The following TAFAZZIN variants were observed in gnomAD, a reference collection of about 807,000 sequenced individuals.
TAFAZZIN encodes tafazzin, phospholipid-lysophospholipid transacylase.
In TAFAZZIN, 6 loss-of-function variants were observed where a neutral mutation model predicts 27.3. The ratio of observed to expected loss-of-function variants is 0.22; its 90% CI spans 0.12 to 0.43. The LOEUF is 0.43. TAFAZZIN is among the 20% of genes least tolerant of loss of function. The probability of loss-of-function intolerance (pLI) is 1.00; values close to 1 mark genes in which losing one functional copy is unlikely to be tolerated. For synonymous variants in TAFAZZIN, 79 were observed against 96.2 expected (o/e 0.82, Z 1.04); for missense variants, 127 against 244.5 (o/e 0.52, Z 3.21).
chrX:154,411,647 G>C lies in TAFAZZIN; in HGVS notation c.-197G>C. On this transcript the variant is annotated 5_prime_UTR_variant, in exon 1 of 11. Coordinates refer to ENST00000601016, the MANE Select transcript of TAFAZZIN (RefSeq NM_000116.5). ...ACCCCGGCGACCGCTCCCCAGTGAC[G>C]AGAGAGCGGGGCCGGGCGCTGCTCC... 1 of 483,775 alleles carries C rather than the reference G, an allele frequency of 2.1e-6. No individual in the cohort carries two copies. The highest frequency in any genetic ancestry group is 3.7e-6 in the Non-Finnish European group (1 of 271,737). 39.9% of individuals were successfully genotyped at this position (483,775 alleles called of 1,213,427 possible). A position where few individuals can be genotyped will look rare whatever the true frequency, so the allele number is the denominator to read the frequency against.
rs1419599783 is a variant in TAFAZZIN, at chrX:154,419,303, A to T, written c.461-240A>T. 1.8e-5 allele frequency: 8 copies of T among 435,989 alleles called. No individual in the cohort carries two copies. In the African/African-American group the frequency reaches 2.0e-4, roughly 11 times the overall value. 35.9% of individuals were successfully genotyped at this position (435,989 alleles called of 1,213,427 possible). A position where few individuals can be genotyped will look rare whatever the true frequency, so the allele number is the denominator to read the frequency against. On this transcript the variant is annotated intron_variant, in intron 5 of 10. Transcript: ENST00000601016. Reference sequence around the variant, plus strand: ...AAGCCCCACAGCGTGCCCAAGTGCCATGCAGGCCCTGGAGACGGTCATTGG... The same window carrying T: ...AAGCCCCACAGCGTGCCCAAGTGCCTTGCAGGCCCTGGAGACGGTCATTGG...
intron 3 of TAFAZZIN, 25 bp downstream of exon 3, chrX:154,413,277 G>A: frequency 8.3e-7 from 1 of 1,209,948 alleles, no homozygotes. Flanking sequence ...GCCCCTCGAA[G>A]TGGGCCGGGC....
intron 7 of TAFAZZIN, 77 bp downstream of exon 7, chrX:154,419,823 C>T (rs901321983): frequency 1.4e-5 from 17 of 1,178,864 alleles, no homozygotes; most frequent in Non-Finnish European, 2.0e-5. Flanking sequence ...CTCCCGCCCC[C>T]TCGGGCTGGC....
At chrX:154,413,275 A>T (rs1557191627) in intron 3 of TAFAZZIN, 23 bp downstream of exon 3, 2 of 1,210,317 alleles carry the variant, frequency 1.7e-6, no homozygotes, top group South Asian at 3.5e-5. Context: ...GGGCCCCTCG[A>T]AGTGGGCCGG....
At chrX:154,420,590 C>T (rs1231060712) in intron 9 of TAFAZZIN, 68 bp from the exon 10 acceptor site, 16 of 1,146,528 alleles carry the variant, frequency 1.4e-5, no homozygotes, top group South Asian at 3.6e-5. Context: ...TTCTGGCTCC[C>T]GGGTTGCTTG....
intron 5 of TAFAZZIN, chrX:154,418,642 A>G (rs2068547143): frequency 8.9e-6 from 1 of 112,662 alleles, no homozygotes; most frequent in Non-Finnish European, 1.9e-5. Context: ...CCATGGTCTC[A>G]GGGTTATCTC....
At chrX:154,413,073 G>T (rs2068365594) in intron 2 of TAFAZZIN, 134 bp from the exon 3 acceptor site, 1 of 867,522 alleles carries the variant, frequency 1.2e-6, no homozygotes, top group Admixed American at 2.5e-5. Flanking sequence ...TCTGGCCTAA[G>T]GGTCTGAAAG....
Position 154,413,520 on chromosome X carries a change from T to C in TAFAZZIN, c.323T>C (p.Leu108Pro). ...AAADICFTKE[L>P]HSHFFSLGKC... ...GCAGACATCTGCTTCACCAAGGAGC[T>C]ACACTCCCACTTCTTCAGCTTGGGC... is the stretch of plus-strand genomic sequence containing the variant. The change falls in exon 4 of 11, where the codon CTA (leucine) becomes CCA (proline). Residue 108 changes from leucine (L) to proline (P), a missense_variant. Leu to Pro is a moderately conservative substitution (Grantham distance 98). Coordinates refer to ENST00000601016, the MANE Select transcript of TAFAZZIN (RefSeq NM_000116.5). 8.2e-7 allele frequency: 1 copy of C among 1,212,293 alleles called. No individual in the cohort carries two copies.
At chrX:154,415,782 G>C (rs983320056) in intron 5 of TAFAZZIN, among the ~76,000 whole-genome samples, 3 of 107,558 alleles carry the variant, frequency 2.8e-5, no homozygotes, top group African/African-American at 6.8e-5. Flanking sequence ...TCGGGAGGCT[G>C]GGGTGGGAGA....
chrX:154,420,312 C>T, intron 9 of TAFAZZIN, 48 bp downstream of exon 9: 3 of 1,188,143 alleles, frequency 2.5e-6, no homozygotes, highest in Non-Finnish European at 3.4e-6. Context: ...CTGCTGTCTG[C>T]TCCGTGTCTC....
chrX:154,413,395 G>A, intron 3 of TAFAZZIN, 87 bp from the exon 4 acceptor site: 4 of 1,209,237 alleles, frequency 3.3e-6, no homozygotes, highest in Non-Finnish European at 4.5e-6. Context: ...GCCCTCCCCT[G>A]TGCCTCCCTT....
At position 154,413,194 on chromosome X, in the gene TAFAZZIN, T is replaced by G; in HGVS notation, c.239-13T>G. 14 of 1,212,034 alleles carry G rather than the reference T, an allele frequency of 1.2e-5. No homozygotes were observed. Among genetic ancestry groups the G allele is most frequent in the Non-Finnish European group, 1.6e-5 (14 of 895,495 alleles). ...ATGGGAAGTTGGGGCATGAAGCCTTTCCTGTCCTCTAGGGATCCTGAAACT... is the reference window on the plus strand; with the variant it reads ...ATGGGAAGTTGGGGCATGAAGCCTTGCCTGTCCTCTAGGGATCCTGAAACT... On this transcript the variant is annotated splice_polypyrimidine_tract_variant and intron_variant, in intron 2 of 10. Coordinates refer to ENST00000601016, the MANE Select transcript of TAFAZZIN (RefSeq NM_000116.5).
intron 5 of TAFAZZIN, chrX:154,419,333 C>T (rs1484876480): frequency 8.9e-6 from 4 of 447,243 alleles, no homozygotes; most frequent in African/African-American, 2.5e-5. Flanking sequence ...CATTGGAGGG[C>T]GTCTGTGGAT....
chrX:154,414,940 G>T (rs1184065223), intron 5 of TAFAZZIN, among the ~76,000 whole-genome samples: 3 of 102,093 alleles, frequency 2.9e-5, no homozygotes, highest in African/African-American at 1.1e-4. Flanking sequence ...GGTGAGCTGA[G>T]ATCCTGCCAT....
chrX:154,414,030 G>A, intron 4 of TAFAZZIN, 71 bp from the exon 5 acceptor site: 1 of 688,534 alleles, frequency 1.5e-6, no homozygotes, highest in African/African-American at 2.1e-5. Context: ...AGATTAAGCT[G>A]CTGGCCCAAG....
intron 9 of TAFAZZIN, 88 bp downstream of exon 9, chrX:154,420,352 G>A: frequency 9.4e-7 from 1 of 1,065,416 alleles, no homozygotes; most frequent in Non-Finnish European, 1.3e-6. Flanking sequence ...CCAGCTGCAG[G>A]AGGAGCTGAG....
intron 1 of TAFAZZIN, 29 bp from the exon 2 acceptor site, chrX:154,412,057 G>T (rs1465488296): frequency 5.8e-6 from 7 of 1,209,447 alleles, no homozygotes; most frequent in Non-Finnish European, 6.7e-6. Context: ...GGGCGAGCCC[G>T]GAGCGCCTGA....
Position 154,420,054 on chromosome X carries a change from G to C in TAFAZZIN, c.606G>C (p.Glu202Asp), listed in dbSNP as rs781893396. The change falls in exon 8 of 11, where the codon GAG (glutamate) becomes GAC (aspartate). Residue 202 changes from glutamate (E) to aspartate (D), a missense_variant. Around this residue, in one of 3 missense-constraint regions of TAFAZZIN, gnomAD observed 79 missense variants for 188.7 expected, o/e 0.42. Coordinates refer to ENST00000601016, the MANE Select transcript of TAFAZZIN (RefSeq NM_000116.5). ...FKWGIGRLIA[E>D]CHLNPIILPL... ...CAGGAATCGGGCGCCTGATTGCTGA[G>C]TGTCATCTCAACCCCATCATCCTGC... is the stretch of plus-strand genomic sequence containing the variant. 1.9e-5 allele frequency: 23 copies of C among 1,212,068 alleles called. No homozygotes were observed. The South Asian group carries it at 4.0e-4, about 21-fold the overall frequency.
chrX:154,421,655 T>C lies in TAFAZZIN; in HGVS notation c.*651T>C. 1 of 330,065 alleles carries C rather than the reference T, an allele frequency of 3.0e-6. No homozygotes were observed. The highest frequency in any genetic ancestry group is 5.9e-6 in the Non-Finnish European group (1 of 170,091). The allele number at this position is 330,065 out of a possible 1,213,427, so 27.2% of individuals were successfully genotyped here. On this transcript the variant is annotated 3_prime_UTR_variant, in exon 11 of 11. Transcript: ENST00000601016. ...ATCCTTTCTGCCTCTCAACATCACTTGAATCCTAGGGCCTGGGTTTTCATG... is the reference window on the plus strand; with the variant it reads ...ATCCTTTCTGCCTCTCAACATCACTCGAATCCTAGGGCCTGGGTTTTCATG...
Sources: gnomAD v4.1 joint callset for allele counts (sites outside exome capture counted in the v4.1 genomes callset) on GRCh38, gnomAD v4.1.1 for gene constraint, gnomAD v4.1.1 regional missense constraint, MANE v1.5 for transcripts, NCBI Gene and HGNC (gene_info 2026-07-23, HGNC 2026-07-21) for gene names.